Variants in NRG1 observed in about 807,000 individuals in gnomAD.
NRG1 encodes the protein neuregulin 1, also known as pro-neuregulin-1, membrane-bound isoform.
In NRG1, 18 loss-of-function variants were observed where a neutral mutation model predicts 63.8. The ratio of observed to expected loss-of-function variants is 0.28; its 90% CI spans 0.19 to 0.42. NRG1 has a LOEUF of 0.42. Ranked by LOEUF, NRG1 falls within the 10% of genes least tolerant of loss-of-function variation. The probability of loss-of-function intolerance (pLI) is 1.00; values close to 1 mark genes in which losing one functional copy is unlikely to be tolerated. For missense variants in NRG1, 762 were observed against 814.7 expected (o/e 0.94, Z 0.79); for synonymous variants, 302 against 301.3 (o/e 1.00, Z -0.02).
chr8:32,548,318 T>G (rs1833351859), exon 1 of NRG1: 8 of 995,042 alleles, frequency 8.0e-6, no homozygotes, highest in Non-Finnish European at 9.6e-6. Flanking sequence ...CCGAAACTTG[T>G]TGGAACTCCG....
intron 1 of NRG1, among the ~76,000 whole-genome samples, chr8:32,187,099 G>A (rs766067840): frequency 1.5e-4 from 23 of 152,192 alleles, no homozygotes; most frequent in Non-Finnish European, 2.5e-4. Context: ...ATCCATGGCT[G>A]TAATTTTTCA....
Position 31,925,415 on chromosome 8 carries a change from T to C in NRG1, c.37+285984T>C, listed in dbSNP as rs1325617831. Among the ~76,000 whole-genome samples, 6 of 152,140 alleles carry C rather than the reference T, an allele frequency of 3.9e-5. No homozygotes were observed. The South Asian group carries it at 1.2e-3, about 32-fold the overall frequency. On this transcript the variant is annotated intron_variant, in intron 1 of 10. Transcript: ENST00000519301. ...AATAATTGTATTTCAAACTAGATTA[T>C]TCAATTCATGTAAACCCGATGTAGT...
downstream of NRG1, among the ~76,000 whole-genome samples, chr8:32,772,832 G>A (rs1831897777): frequency 6.6e-6 from 1 of 152,136 alleles, no homozygotes; most frequent in Non-Finnish European, 1.5e-5. Context: ...AGAAAATGCT[G>A]TGCATGACAG....
At chr8:32,380,857 C>T (rs984501922) in intron 1 of NRG1, among the ~76,000 whole-genome samples, 1 of 152,104 alleles carries the variant, frequency 6.6e-6, no homozygotes, top group African/African-American at 2.4e-5. Flanking sequence ...AAGATAAAGT[C>T]AGTGTACTTG....
intron 2 of NRG1, among the ~76,000 whole-genome samples, chr8:32,601,301 G>C (rs1406920171): frequency 1.3e-5 from 2 of 152,106 alleles, no homozygotes; most frequent in African/African-American, 2.4e-5. Flanking sequence ...TTTAAAACAG[G>C]ATTTTGTTGT....
At chr8:32,375,311 G>A (rs2347503) in intron 1 of NRG1, among the ~76,000 whole-genome samples, 131,075 of 152,142 alleles carry the variant, frequency 0.86, 57,147 homozygotes, top group Non-Finnish European at 0.92. Context: ...CCCCTCTGTG[G>A]TACTCTGTGG....
intron 1 of NRG1, among the ~76,000 whole-genome samples, chr8:31,677,943 T>C (rs1333717486): frequency 6.6e-6 from 1 of 152,092 alleles, no homozygotes; most frequent in Non-Finnish European, 1.5e-5. Flanking sequence ...TTGGATTTAT[T>C]CCCTTTCCTA....
At position 32,152,211 on chromosome 8, in the gene NRG1, G is replaced by A. The variant is rs534316286; in HGVS notation, c.38-443617G>A. Reference sequence around the variant, plus strand: ...AAGTTGTGGTCTTCATAGGGAGATAGCTCTTCACTTCGTGTGTTAGTGATG... The same window carrying A: ...AAGTTGTGGTCTTCATAGGGAGATAACTCTTCACTTCGTGTGTTAGTGATG... On this transcript the variant is annotated intron_variant, in intron 1 of 10. Coordinates refer to the NRG1 transcript ENST00000519301. Among the ~76,000 whole-genome samples, 5 of 152,352 alleles carry A rather than the reference G, an allele frequency of 3.3e-5. No homozygotes were observed. In the East Asian group the frequency reaches 9.6e-4, roughly 29 times the overall value.
intron 1 of NRG1, among the ~76,000 whole-genome samples, chr8:31,657,200 C>T (rs1032203615): frequency 1.3e-5 from 2 of 152,146 alleles, no homozygotes; most frequent in African/African-American, 4.8e-5. Context: ...ACAGTGTTTT[C>T]ATGGAAGGAT....
chr8:32,567,087 C>T (rs1299648764), intron 1 of NRG1, among the ~76,000 whole-genome samples: 1 of 152,216 alleles, frequency 6.6e-6, no homozygotes, highest in Admixed American at 6.5e-5. Context: ...AAGTGCCCAC[C>T]TCGGCCTCCC....
At chr8:31,739,634 A>T (rs1336681176) in intron 1 of NRG1, among the ~76,000 whole-genome samples, 1 of 152,108 alleles carries the variant, frequency 6.6e-6, no homozygotes, top group Admixed American at 6.6e-5. Context: ...TCATGGAGAC[A>T]TGGAGTAGCA....
chr8:31,897,463 G>C (rs1432374658), intron 1 of NRG1, among the ~76,000 whole-genome samples: 1 of 152,060 alleles, frequency 6.6e-6, no homozygotes, highest in Non-Finnish European at 1.5e-5. Context: ...GAATAGTCCT[G>C]CAAATCTGTC....
chr8:31,794,803 T>C (rs1329673848), intron 1 of NRG1, among the ~76,000 whole-genome samples: 2 of 152,042 alleles, frequency 1.3e-5, no homozygotes, highest in Non-Finnish European at 2.9e-5. Context: ...AGTTTTGTAA[T>C]ATGTTTCTAA....
chr8:32,058,113 A>T (rs1010620227), intron 1 of NRG1, among the ~76,000 whole-genome samples: 3 of 152,120 alleles, frequency 2.0e-5, no homozygotes, highest in African/African-American at 4.8e-5. Flanking sequence ...GCCCAAAAAT[A>T]TGTACAACTA....
intron 1 of NRG1, among the ~76,000 whole-genome samples, chr8:32,345,140 T>C (rs1338603785): frequency 6.6e-6 from 1 of 152,212 alleles, no homozygotes; most frequent in African/African-American, 2.4e-5. Flanking sequence ...GTGTCCCTAT[T>C]ATCCTGAAAA....
intron 1 of NRG1, among the ~76,000 whole-genome samples, chr8:31,763,672 C>T (rs887881888): frequency 3.3e-5 from 5 of 152,170 alleles, no homozygotes; most frequent in Admixed American, 6.5e-5. Context: ...GATAGTTGGC[C>T]GGACACAGTG....
chr8:32,759,498 T>C lies in NRG1; in HGVS notation c.1052+62T>C, dbSNP rs1331865719. The C allele has an allele frequency of 4.5e-6, 7 of 1,565,026 alleles. No homozygotes were observed. The South Asian group carries it at 4.7e-5, about 11-fold the overall frequency. On this transcript the variant is annotated intron_variant, in intron 10 of 11. Transcript: ENST00000356819. Reference sequence around the variant, plus strand: ...GAATGAATTGTTGCACATTGCCTTTTGATATCCCTGCCTAAGAAAGGAGGC... The same window carrying C: ...GAATGAATTGTTGCACATTGCCTTTCGATATCCCTGCCTAAGAAAGGAGGC...
chr8:31,671,937 T>C (rs1019241224), intron 1 of NRG1, among the ~76,000 whole-genome samples: 4 of 152,012 alleles, frequency 2.6e-5, no homozygotes, highest in Non-Finnish European at 5.9e-5. Context: ...AAGATAGCAA[T>C]ATAGAGATGA....
At position 32,068,106 on chromosome 8, in the gene NRG1, G is replaced by C. The variant is rs60180783; in HGVS notation, c.37+428675G>C. Among the ~76,000 whole-genome samples, 360 of 152,292 alleles carry C rather than the reference G, an allele frequency of 2.4e-3. 2 individuals carry two copies. The East Asian group carries it at 0.032, about 13-fold the overall frequency. On this transcript the variant is annotated intron_variant, in intron 1 of 10. Coordinates refer to the NRG1 transcript ENST00000519301. ...TGGGATGGCATGGTTACTGTATAAA[G>C]ATCATTTGTTCTACAGGTCAGAAGG...
Sources: allele counts gnomAD v4.1 joint callset (sites outside exome capture counted in the v4.1 genomes callset), GRCh38; gene constraint gnomAD v4.1.1; transcripts MANE v1.5; gene names NCBI Gene and HGNC (gene_info 2026-07-23, HGNC 2026-07-21).